XYLT1: variants seen among roughly 807,000 people sequenced by gnomAD.
XYLT1 encodes the protein beta-D-xylosyltransferase 1.
XYLT1 carries 36 observed loss-of-function variants against 91.3 expected under a neutral mutation model. That is an observed-to-expected ratio of 0.39 (90% confidence interval 0.30 to 0.52). The LOEUF (loss-of-function observed/expected upper bound fraction) is 0.52, where lower values mean the gene tolerates loss of function less well. XYLT1 is among the 20% of genes least tolerant of loss of function. The pLI is 0.68. For missense variants in XYLT1, 1,242 were observed against 1,284.5 expected, an observed-to-expected ratio of 0.97 and a Z score of 0.51; for synonymous variants, 588 against 532.0, an observed-to-expected ratio of 1.11 and a Z score of -1.45.
At chr16:17,235,345 A>G (rs2033231205) in intron 3 of XYLT1, among the ~76,000 whole-genome samples, 1 of 141,818 alleles carries the variant, frequency 7.1e-6, no homozygotes, top group Non-Finnish European at 1.5e-5. Flanking sequence ...CTATGTGCTG[A>G]ATGTGCTGAG....
intron 1 of XYLT1, among the ~76,000 whole-genome samples, chr16:17,361,086 G>A (rs567402641): frequency 3.0e-3 from 453 of 152,332 alleles, no homozygotes; most frequent in South Asian, 5.8e-3. Context: ...TTTACTGTGT[G>A]CTTCTGCAGC....
At chr16:17,417,715 C>A (rs1213871862) in intron 1 of XYLT1, among the ~76,000 whole-genome samples, 2 of 152,158 alleles carry the variant, frequency 1.3e-5, no homozygotes, top group Non-Finnish European at 2.9e-5. Context: ...TGTCTTATTC[C>A]CCTCCTCTTG....
At chr16:17,416,037 G>T (rs1296472483) in intron 1 of XYLT1, among the ~76,000 whole-genome samples, 3 of 152,222 alleles carry the variant, frequency 2.0e-5, no homozygotes, top group Non-Finnish European at 4.4e-5. Flanking sequence ...AGCAGGCAAT[G>T]AGAGGAGAGC....
chr16:17,303,999 G>A lies in XYLT1; in HGVS notation c.403-44501C>T, dbSNP rs530372283. On this transcript the variant is annotated intron_variant, in intron 2 of 11. Coordinates refer to ENST00000261381, the MANE Select transcript of XYLT1 (RefSeq NM_022166.4). ...AATGCATGTGTGTATATACATGTGC[G>A]TGTGTGTGTGTGTGTGTACAGGTGC... Among the ~76,000 whole-genome samples the A allele has an allele frequency of 4.4e-5, 6 of 137,152 alleles. No homozygotes were observed. The South Asian group carries it at 8.4e-4, about 19-fold the overall frequency. The allele number at this position is 137,152 out of a possible 152,430, so 90.0% of individuals were successfully genotyped here. A position where few individuals can be genotyped will look rare whatever the true frequency, so the allele number is the denominator to read the frequency against.
At chr16:17,258,803 T>G (rs549025424) in intron 3 of XYLT1, among the ~76,000 whole-genome samples, 185 bp downstream of exon 3, 1 of 151,824 alleles carries the variant, frequency 6.6e-6, no homozygotes, top group South Asian at 2.1e-4. Flanking sequence ...TTTGCAAAAT[T>G]TTTCTGATAC....
chr16:17,119,775 A>C (rs1251820202), intron 10 of XYLT1, among the ~76,000 whole-genome samples: 1 of 152,252 alleles, frequency 6.6e-6, no homozygotes, highest in Non-Finnish European at 1.5e-5. Flanking sequence ...CAGAGCCAGC[A>C]TGGGAACCCA....
chr16:17,445,109 C>G (rs1183137483), intron 1 of XYLT1, among the ~76,000 whole-genome samples: 1 of 152,196 alleles, frequency 6.6e-6, no homozygotes, highest in Non-Finnish European at 1.5e-5. Flanking sequence ...AAACAATCCT[C>G]TCACCTCATC....
At chr16:17,337,090 G>T (rs73523013) in intron 2 of XYLT1, among the ~76,000 whole-genome samples, 1,915 of 152,234 alleles carry the variant, frequency 0.013, 36 homozygotes, top group African/African-American at 0.044. Flanking sequence ...TACAGGGTGG[G>T]TTTTTTGGGT....
At chr16:17,180,808 G>A (rs2032051081) in intron 5 of XYLT1, among the ~76,000 whole-genome samples, 1 of 152,194 alleles carries the variant, frequency 6.6e-6, no homozygotes, top group Non-Finnish European at 1.5e-5. Flanking sequence ...TAAGCTGAGT[G>A]GGAGTGGGAG....
At chr16:17,324,221 CAGAAG>C (rs1488555155) in intron 2 of XYLT1, among the ~76,000 whole-genome samples, 2 of 152,052 alleles carry the variant, frequency 1.3e-5, no homozygotes, top group Non-Finnish European at 2.9e-5. Context: ...AAGAAAAGGA[CAGAAG>C]AGAAAAGGGA....
intron 2 of XYLT1, among the ~76,000 whole-genome samples, chr16:17,271,333 GACACACAGAGAAAGAC>G (rs1169856681): frequency 6.6e-6 from 1 of 151,974 alleles, no homozygotes; most frequent in Non-Finnish European, 1.5e-5. Flanking sequence ...CAGAGAGAGA[GACACACAGAGAAAGAC>G]ACAGAGAGAG....
chr16:17,415,380 T>C (rs1350396449), intron 1 of XYLT1, among the ~76,000 whole-genome samples: 2 of 152,132 alleles, frequency 1.3e-5, no homozygotes, highest in Non-Finnish European at 2.9e-5. Flanking sequence ...AAAGAGGTCA[T>C]TGAGGGGTAA....
chr16:17,192,880 T>A (rs1322311904), intron 5 of XYLT1: 1 of 147,278 alleles, frequency 6.8e-6, no homozygotes, highest in Non-Finnish European at 1.5e-5. Flanking sequence ...TGGTACGATC[T>A]CGGCTCATTG....
At chr16:17,363,114 C>A (rs571443763) in intron 1 of XYLT1, among the ~76,000 whole-genome samples, 1 of 152,232 alleles carries the variant, frequency 6.6e-6, no homozygotes, top group East Asian at 1.9e-4. Context: ...CAGATCACAG[C>A]GAATGAAAAC....
chr16:17,337,958 G>C (rs891047653), intron 2 of XYLT1, among the ~76,000 whole-genome samples: 2 of 151,834 alleles, frequency 1.3e-5, no homozygotes, highest in African/African-American at 4.8e-5. Flanking sequence ...TGTATTTTTA[G>C]TAGAAACGGG....
intron 9 of XYLT1, among the ~76,000 whole-genome samples, chr16:17,133,726 G>T (rs1264917435): frequency 1.3e-5 from 2 of 152,194 alleles, no homozygotes; most frequent in African/African-American, 4.8e-5. Flanking sequence ...TAGGGAAAGA[G>T]ATGAGAGGAG....
chr16:17,315,791 AG>A (rs143444437), intron 2 of XYLT1, among the ~76,000 whole-genome samples: 3,832 of 152,016 alleles, frequency 0.025, 53 homozygotes, highest in South Asian at 0.059. Flanking sequence ...TCTGACTCCA[AG>A]GCTAGGCCCT....
At position 17,259,090 on chromosome 16, in the gene XYLT1, C is replaced by T. The variant is rs183356442; in HGVS notation, c.811G>A (p.Ala271Thr). Residue 271 changes from alanine (A) to threonine (T), a missense_variant, in exon 3 of 12, where the codon GCT (alanine) becomes ACT (threonine). This residue lies in a region of XYLT1 where 437 missense variants were observed against 411.5 expected (regional missense o/e 1.06). Coordinates refer to ENST00000261381, the MANE Select transcript of XYLT1 (RefSeq NM_022166.4). ...TCCTGGCGGCAGTGCTTGGACTTAG[C>T]ACGGGACAGGGCAGAGATGGCCTCC... ...GKEAISALSR[A>T]KSKHCRQEIG... is the part of the protein sequence containing the mutation. 17 of 1,549,712 alleles carry T rather than the reference C, an allele frequency of 1.1e-5. No homozygotes were observed. In the Admixed American group the frequency reaches 2.6e-4, roughly 24 times the overall value.
intron 5 of XYLT1, among the ~76,000 whole-genome samples, chr16:17,183,135 G>T (rs2032107345): frequency 1.3e-5 from 2 of 152,272 alleles, no homozygotes; most frequent in East Asian, 3.9e-4. Flanking sequence ...GCTTGGCCAC[G>T]ATCAAGTCAT....
Sources: allele counts gnomAD v4.1 joint callset (sites outside exome capture counted in the v4.1 genomes callset), GRCh38; gene constraint gnomAD v4.1.1; regional missense constraint gnomAD v4.1.1; transcripts MANE v1.5; gene names NCBI Gene and HGNC (gene_info 2026-07-23, HGNC 2026-07-21).